The following SLC13A1 variants were observed in gnomAD, a reference collection of about 807,000 sequenced individuals.
SLC13A1 encodes Na(+)/sulfate cotransporter.
Under a neutral mutation model 70.0 loss-of-function variants are expected in SLC13A1, and 65 were observed. The ratio of observed to expected loss-of-function variants is 0.93; its 90% CI spans 0.76 to 1.14. The LOEUF (loss-of-function observed/expected upper bound fraction) is 1.14, where lower values mean the gene tolerates loss of function less well. SLC13A1 is among the 50% of genes most tolerant of loss of function. The pLI is 0.00. For synonymous variants in SLC13A1, 275 were observed against 250.5 expected, an observed-to-expected ratio of 1.10 and a Z score of -0.92; for missense variants, 726 against 717.8, an observed-to-expected ratio of 1.01 and a Z score of -0.13.
At chr7:123,137,140 T>C (rs1313431173) in intron 7 of SLC13A1, among the ~76,000 whole-genome samples, 1 of 152,166 alleles carries the variant, frequency 6.6e-6, no homozygotes, top group Non-Finnish European at 1.5e-5. Context: ...GTAATTGACA[T>C]AAAACAGAAT....
At chr7:123,118,279 T>C (rs1397478386) in intron 13 of SLC13A1, among the ~76,000 whole-genome samples, 1 of 152,126 alleles carries the variant, frequency 6.6e-6, no homozygotes, top group Non-Finnish European at 1.5e-5. Flanking sequence ...TTCTAACTGT[T>C]CCATGTTGAG....
intron 2 of SLC13A1, among the ~76,000 whole-genome samples, chr7:123,173,467 C>A (rs1398334391): frequency 6.6e-6 from 1 of 152,012 alleles, no homozygotes; most frequent in South Asian, 2.1e-4. Context: ...TATCCATATG[C>A]ACCAAAAATA....
In SLC13A1 at chr7:123,144,020, G is replaced by A. The variant is rs1794256134; in HGVS notation, c.812+3139C>T. On this transcript the variant is annotated intron_variant, in intron 7 of 14. Transcript: ENST00000194130. ...GATAAACAGAAGGCAAGATATTTTA[G>A]ATATATTTGGAATAAAACCTAGGAA... Among the ~76,000 whole-genome samples, 3 of 152,214 alleles carry A rather than the reference G, an allele frequency of 2.0e-5. No individual in the cohort carries two copies. The South Asian group carries it at 6.2e-4, about 32-fold the overall frequency.
chr7:123,119,064 A>G lies in SLC13A1; in HGVS notation c.1512+17T>C. On this transcript the variant is annotated intron_variant, in intron 13 of 14. Coordinates refer to ENST00000194130, the MANE Select transcript of SLC13A1 (RefSeq NM_022444.4). ...GCTCTTAATGAAGAGTAAAAAGGGGATAAATGAGATACTCACCAATGGAGA... is the reference window on the plus strand; with the variant it reads ...GCTCTTAATGAAGAGTAAAAAGGGGGTAAATGAGATACTCACCAATGGAGA... 2.5e-6 allele frequency: 4 copies of G among 1,606,436 alleles called. No homozygotes were observed. Among genetic ancestry groups the G allele is most frequent in the Non-Finnish European group, 2.6e-6 (3 of 1,174,900 alleles).
Position 123,124,133 on chromosome 7 carries a change from T to C in SLC13A1, c.1241-898A>G, listed in dbSNP as rs755865948. On this transcript the variant is annotated intron_variant, in intron 11 of 14. Coordinates refer to ENST00000194130, the MANE Select transcript of SLC13A1 (RefSeq NM_022444.4). ...TATATTATTTGTCATTTTTAAGCCTTGTATGAATGACTTTAGCAGGGAGAA... is the reference window on the plus strand; with the variant it reads ...TATATTATTTGTCATTTTTAAGCCTCGTATGAATGACTTTAGCAGGGAGAA... Among the ~76,000 whole-genome samples the C allele has an allele frequency of 5.9e-5, 9 of 152,184 alleles. 1 individual carries two copies. The highest frequency in any genetic ancestry group is 4.6e-4 in the Admixed American group (7 of 15,286).
At chr7:123,152,957 A>T (rs1036461156) in intron 6 of SLC13A1, among the ~76,000 whole-genome samples, 1 of 152,126 alleles carries the variant, frequency 6.6e-6, no homozygotes, top group African/African-American at 2.4e-5. Context: ...TCAAACACAA[A>T]CCAGAAAGTG....
In SLC13A1 at chr7:123,134,460, G is replaced by T; in HGVS notation, c.882C>A (p.Ile294=). Residue 294 remains isoleucine, a synonymous_variant, in exon 8 of 15, where the codon ATC becomes ATA. Transcript: ENST00000194130. The stretch of plus-strand genomic sequence containing the variant: ...GCCAGATCCAGGATAAGAGTAGAAT[G>T]ATAAGGGCAGCTGGGAAGGAAAACG... ...WFTFSFPAAL[I]ILLLSWIWLQ... 6.2e-7 allele frequency: 1 copy of T among 1,613,354 alleles called. No individual in the cohort carries two copies. The highest frequency in any genetic ancestry group is 8.5e-7 in the Non-Finnish European group (1 of 1,179,412).
chr7:123,194,958 A>T (rs1796130867), intron 1 of SLC13A1, among the ~76,000 whole-genome samples: 1 of 152,052 alleles, frequency 6.6e-6, no homozygotes, highest in African/African-American at 2.4e-5. Flanking sequence ...AGCACAGATG[A>T]TTTCTTTAAA....
intron 2 of SLC13A1, among the ~76,000 whole-genome samples, chr7:123,174,396 G>A (rs912125311): frequency 6.6e-6 from 1 of 152,052 alleles, no homozygotes; most frequent in African/African-American, 2.4e-5. Context: ...TGTAGTTAAT[G>A]TAAACATCTA....
In SLC13A1 at chr7:123,114,254, C is replaced by T. The variant is rs1333542583; in HGVS notation, c.*1264G>A. 6.6e-6 allele frequency: 1 copy of T among 151,916 alleles called. No homozygotes were observed. Among genetic ancestry groups the T allele is most frequent in the Non-Finnish European group, 1.5e-5 (1 of 67,996 alleles). 9.4% of individuals were successfully genotyped at this position (151,916 alleles called of 1,614,324 possible). Reference sequence around the variant, plus strand: ...GCTGAATTTTGGAATGCCAATAGCACTTACTCTTTAAAAATTTATTTATTG... The same window carrying T: ...GCTGAATTTTGGAATGCCAATAGCATTTACTCTTTAAAAATTTATTTATTG... On this transcript the variant is annotated 3_prime_UTR_variant, in exon 15 of 15. Coordinates refer to ENST00000194130, the MANE Select transcript of SLC13A1 (RefSeq NM_022444.4).
intron 1 of SLC13A1, among the ~76,000 whole-genome samples, chr7:123,181,737 G>T (rs148705859): frequency 8.5e-5 from 13 of 152,156 alleles, no homozygotes; most frequent in Middle Eastern, 3.4e-3. Context: ...GTTAAGAGAT[G>T]GTCAAAATTT....
chr7:123,157,057 C>T (rs1427161845), intron 6 of SLC13A1, among the ~76,000 whole-genome samples: 1 of 152,092 alleles, frequency 6.6e-6, no homozygotes. Flanking sequence ...CTCAGTATCA[C>T]TCTGCAACGT....
intron 6 of SLC13A1, among the ~76,000 whole-genome samples, chr7:123,156,218 T>C (rs1051045813): frequency 6.6e-6 from 1 of 152,134 alleles, no homozygotes; most frequent in African/African-American, 2.4e-5. Flanking sequence ...CTTTCCAGCT[T>C]CCAAAATGAT....
chr7:123,168,632 G>T, intron 4 of SLC13A1, 71 bp from the exon 5 acceptor site: 1 of 1,103,148 alleles, frequency 9.1e-7, no homozygotes, highest in Non-Finnish European at 1.3e-6. Context: ...GTGTGTGGAT[G>T]CGAAGATGGA....
At chr7:123,137,263 A>G (rs1169028503) in intron 7 of SLC13A1, among the ~76,000 whole-genome samples, 1 of 152,144 alleles carries the variant, frequency 6.6e-6, no homozygotes, top group Admixed American at 6.5e-5. Context: ...CTCCTGGTGT[A>G]CATGCCTTGT....
chr7:123,146,390 C>T (rs1341911498), intron 7 of SLC13A1, among the ~76,000 whole-genome samples: 9 of 152,012 alleles, frequency 5.9e-5, no homozygotes, highest in South Asian at 2.1e-4. Flanking sequence ...CTGGGTATTA[C>T]GGTGCATGCC....
At chr7:123,189,455 A>G (rs928618591) in intron 1 of SLC13A1, among the ~76,000 whole-genome samples, 6 of 152,120 alleles carry the variant, frequency 3.9e-5, no homozygotes, top group African/African-American at 7.2e-5. Flanking sequence ...TAACCTTTCA[A>G]TAAGGTTTAC....
In SLC13A1 at chr7:123,128,635, A is replaced by G. The variant is rs530300977; in HGVS notation, c.1133+210T>C. 3.0e-4 allele frequency among the ~76,000 whole-genome samples: 45 copies of G among 152,280 alleles called. 4 individuals are homozygous for G. Among genetic ancestry groups the G allele is most frequent in the African/African-American group, 1.0e-3 (42 of 41,560 alleles). ...CTAATGGACTTTGCCTTTCAGTAAC[A>G]GAGTAAGTAATATGGTTATTCTTTC... On this transcript the variant is annotated intron_variant, in intron 10 of 14. Transcript: ENST00000194130.
chr7:123,162,102 A>G (rs1294459303), intron 6 of SLC13A1, among the ~76,000 whole-genome samples: 1 of 151,870 alleles, frequency 6.6e-6, no homozygotes, highest in African/African-American at 2.4e-5. Context: ...GAAATAAAAT[A>G]TAGTATTCAA....
Sources: gnomAD v4.1 joint callset for allele counts (sites outside exome capture counted in the v4.1 genomes callset) on GRCh38, gnomAD v4.1.1 for gene constraint, MANE v1.5 for transcripts, NCBI Gene and HGNC (gene_info 2026-07-23, HGNC 2026-07-21) for gene names.